The following JMJD1C variants were observed in gnomAD, a reference collection of about 807,000 sequenced individuals.
The protein encoded by JMJD1C is jumonji domain containing 1C.
In JMJD1C, 31 loss-of-function variants were observed where a neutral mutation model predicts 245.3. That is an observed-to-expected ratio of 0.13 (90% CI 0.09 to 0.17). JMJD1C has a LOEUF of 0.17. Among genes scored for constraint, JMJD1C ranks in the 10% least tolerant of loss-of-function variants. The pLI, the probability that JMJD1C is intolerant of heterozygous loss-of-function variation, is 1.00. For synonymous variants in JMJD1C, 1,057 were observed against 1,017.4 expected (o/e 1.04, Z -0.74); for missense variants, 2,691 against 3,000.2 (o/e 0.90, Z 2.41).
chr10:63,315,512 T>C (rs537871933), intron 2 of JMJD1C, among the ~76,000 whole-genome samples: 1 of 152,252 alleles, frequency 6.6e-6, no homozygotes, highest in African/African-American at 2.4e-5. Flanking sequence ...CCTGGAAGTT[T>C]TTTTCTCTTC....
At chr10:63,205,129 T>C in intron 10 of JMJD1C, 1 of 626,214 alleles carries the variant, frequency 1.6e-6, no homozygotes, top group Non-Finnish European at 2.0e-6. Flanking sequence ...TCTCTTATTT[T>C]GTCCAGCTGT....
At chr10:63,429,172 G>T (rs1950608122) in intron 1 of JMJD1C, among the ~76,000 whole-genome samples, 1 of 152,082 alleles carries the variant, frequency 6.6e-6, no homozygotes, top group African/African-American at 2.4e-5. Context: ...TAGAGACAGG[G>T]TTTCTTCATG....
In JMJD1C at chr10:63,207,434, C is replaced by A; in HGVS notation, c.4235G>T (p.Gly1412Val). The part of the protein sequence containing the change: ...AADTTSVSSW[G>V]GSEVISSLSN... Reference sequence around the variant, plus strand: ...TAAAGAGGAAATTACTTCTGAACCACCCCAGCTGGAAACACTGGTAGTATC... The same window carrying A: ...TAAAGAGGAAATTACTTCTGAACCAACCCAGCTGGAAACACTGGTAGTATC... The change falls in exon 10 of 26, where the codon GGT (glycine) becomes GTT (valine). Residue 1412 changes from glycine to valine, a missense_variant. Gly to Val is a moderately radical substitution (Grantham distance 109). Coordinates refer to ENST00000399262, the MANE Select transcript of JMJD1C (RefSeq NM_032776.3). The A allele has an allele frequency of 5.6e-6, 9 of 1,614,176 alleles. No homozygotes were observed. Among genetic ancestry groups the A allele is most frequent in the Non-Finnish European group, 7.6e-6 (9 of 1,180,034 alleles).
At chr10:63,305,260 C>G (rs910385456) in intron 2 of JMJD1C, among the ~76,000 whole-genome samples, 10 of 150,876 alleles carry the variant, frequency 6.6e-5, no homozygotes, top group African/African-American at 2.5e-4. Flanking sequence ...CCCAGCTACT[C>G]GGGAGGCTGA....
intron 2 of JMJD1C, among the ~76,000 whole-genome samples, chr10:63,266,393 A>G (rs1855575989): frequency 6.6e-6 from 1 of 152,118 alleles, no homozygotes; most frequent in African/African-American, 2.4e-5. Context: ...AGGATTTCAT[A>G]AAATCCTATT....
intron 2 of JMJD1C, among the ~76,000 whole-genome samples, chr10:63,356,148 G>C (rs1323601219): frequency 6.6e-6 from 1 of 152,168 alleles, no homozygotes; most frequent in South Asian, 2.1e-4. Flanking sequence ...AAAAGGGATT[G>C]TAAAAGATTT....
chr10:63,393,008 T>C (rs1048737336), intron 1 of JMJD1C, among the ~76,000 whole-genome samples: 2 of 151,718 alleles, frequency 1.3e-5, no homozygotes, highest in African/African-American at 4.8e-5. Flanking sequence ...GGCCCATGCC[T>C]GTAATCCAAG....
At chr10:63,204,792 TGA>T in intron 10 of JMJD1C, 1 of 985,474 alleles carries the variant, frequency 1.0e-6, no homozygotes, top group Non-Finnish European at 1.2e-6. Context: ...TTTCACTTTC[TGA>T]CTGTCCTTTT....
At chr10:63,520,461 A>G (rs1409974934) in intron 1 of JMJD1C, among the ~76,000 whole-genome samples, 1 of 152,160 alleles carries the variant, frequency 6.6e-6, no homozygotes, top group Non-Finnish European at 1.5e-5. Context: ...GAAAAAATAA[A>G]AATATCTAAA....
At chr10:63,309,493 T>TAA (rs1564766841) in intron 2 of JMJD1C, among the ~76,000 whole-genome samples, 2 of 12,030 alleles carry the variant, frequency 1.7e-4, no homozygotes, top group Non-Finnish European at 4.8e-4. Flanking sequence ...AGACTCCATC[T>TAA]CAAAAAAAAA....
chr10:63,229,202 A>G (rs991511141), intron 3 of JMJD1C, among the ~76,000 whole-genome samples: 3 of 152,194 alleles, frequency 2.0e-5, no homozygotes, highest in Non-Finnish European at 2.9e-5. Flanking sequence ...AAGATTTCAC[A>G]TAATTAAAAG....
At position 63,404,368 on chromosome 10, in the gene JMJD1C, A is replaced by C. The variant is rs1949049708; in HGVS notation, c.169-23886T>G. On this transcript the variant is annotated intron_variant, in intron 1 of 25. Transcript: ENST00000399262. ...AGATATACGACACACTAATATTTTTAATCTTGGCTTTTTATATTCCAGTAG... is the reference window on the plus strand; with the variant it reads ...AGATATACGACACACTAATATTTTTCATCTTGGCTTTTTATATTCCAGTAG... Among the ~76,000 whole-genome samples, 3 of 152,328 alleles carry C rather than the reference A, an allele frequency of 2.0e-5. No individual in the cohort carries two copies. In the South Asian group the frequency reaches 6.2e-4, roughly 32 times the overall value.
chr10:63,270,714 C>A (rs936114237), intron 2 of JMJD1C, among the ~76,000 whole-genome samples: 3 of 152,128 alleles, frequency 2.0e-5, no homozygotes, highest in African/African-American at 7.2e-5. Flanking sequence ...GCGATCCACC[C>A]ACTTCAGTTT....
intron 2 of JMJD1C, among the ~76,000 whole-genome samples, chr10:63,301,166 C>T (rs1171079159): frequency 6.6e-6 from 1 of 152,100 alleles, no homozygotes; most frequent in African/African-American, 2.4e-5. Flanking sequence ...TAGGCATGTA[C>T]CATCACGCCT....
At chr10:63,168,366 G>T in intron 25 of JMJD1C, 69 bp downstream of exon 25, 1 of 1,482,604 alleles carries the variant, frequency 6.7e-7, no homozygotes, top group Non-Finnish European at 9.1e-7. Context: ...TGCCTAAGCT[G>T]TTATACATGT....
In JMJD1C at chr10:63,192,563, C is replaced by A. The variant is rs928269315; in HGVS notation, c.6076+375G>T. On this transcript the variant is annotated intron_variant, in intron 16 of 25. Transcript: ENST00000399262. ...AGACTGGGCAACAAGAGCAAAACTC[C>A]GTGCTCCCCGACCCCTAAAAAGAAA... is the stretch of plus-strand genomic sequence containing the variant. Among the ~76,000 whole-genome samples the A allele has an allele frequency of 2.6e-5, 4 of 152,220 alleles. No individual in the cohort carries two copies. The East Asian group carries it at 7.7e-4, about 29-fold the overall frequency.
chr10:63,283,600 C>G (rs550009127), intron 2 of JMJD1C, among the ~76,000 whole-genome samples: 1 of 152,176 alleles, frequency 6.6e-6, no homozygotes, highest in South Asian at 2.1e-4. Flanking sequence ...CTCCTGACCT[C>G]AAGTGATGCA....
chr10:63,512,420 G>A lies in JMJD1C; in HGVS notation n.113+9318C>T, dbSNP rs151326730. ...TTCCCTCAATTTTCACTTTGAGTAA[G>A]TCTTTATTCTTCCTTTACTTTGGAA... On this transcript the variant is annotated intron_variant and non_coding_transcript_variant, in intron 1 of 3. Transcript: ENST00000633035. Among the ~76,000 whole-genome samples the A allele has an allele frequency of 4.1e-3, 629 of 152,010 alleles. 1 individual carries two copies. Among genetic ancestry groups the A allele is most frequent in the Non-Finnish European group, 6.5e-3 (442 of 67,956 alleles).
chr10:63,425,157 G>A (rs1950367787), intron 1 of JMJD1C, among the ~76,000 whole-genome samples: 1 of 151,990 alleles, frequency 6.6e-6, no homozygotes, highest in Admixed American at 6.6e-5. Flanking sequence ...GAACCCTGAA[G>A]TAAAATATAG....
Sources: allele counts gnomAD v4.1 joint callset (sites outside exome capture counted in the v4.1 genomes callset), GRCh38; gene constraint gnomAD v4.1.1; transcripts MANE v1.5; gene names NCBI Gene and HGNC (gene_info 2026-07-23, HGNC 2026-07-21).